Variants in CSMD1 observed in about 807,000 individuals in gnomAD.
The protein encoded by CSMD1 is CUB and Sushi multiple domains 1, also known as CUB and sushi domain-containing protein 1.
A neutral mutation model predicts 417.5 loss-of-function variants in CSMD1; 213 were observed. The ratio of observed to expected loss-of-function variants is 0.51; its 90% CI spans 0.46 to 0.57. CSMD1 has a LOEUF of 0.57. Among genes scored for constraint, CSMD1 ranks in the 20% least tolerant of loss-of-function variants. The pLI is 0.00. For synonymous variants in CSMD1, 2,862 were observed against 1,736.8 expected, an observed-to-expected ratio of 1.65 and a Z score of -16.11; for missense variants, 6,923 against 4,529.7, an observed-to-expected ratio of 1.53 and a Z score of -15.17.
intron 5 of CSMD1, among the ~76,000 whole-genome samples, chr8:3,865,691 C>A (rs1805044086): frequency 6.6e-6 from 1 of 152,130 alleles, no homozygotes; most frequent in African/African-American, 2.4e-5. Context: ...GTTCTAGGTT[C>A]CAACGGAGCA....
chr8:4,655,322 G>C (rs1804159092), intron 1 of CSMD1, among the ~76,000 whole-genome samples: 1 of 152,044 alleles, frequency 6.6e-6, no homozygotes, highest in Non-Finnish European at 1.5e-5. Flanking sequence ...GTTCCTCAAT[G>C]GCCACTGGTT....
intron 7 of CSMD1, among the ~76,000 whole-genome samples, chr8:3,638,356 G>C (rs1253436600): frequency 1.3e-5 from 2 of 151,992 alleles, no homozygotes; most frequent in Non-Finnish European, 2.9e-5. Flanking sequence ...GCTTCAGTGT[G>C]TCCCAAGAGG....
At chr8:3,324,562 GAC>G (rs1806393936) in intron 23 of CSMD1, among the ~76,000 whole-genome samples, 1 of 141,810 alleles carries the variant, frequency 7.1e-6, no homozygotes, top group Non-Finnish European at 1.5e-5. Context: ...TGTTAAAATA[GAC>G]ACACATCTAA....
intron 2 of CSMD1, among the ~76,000 whole-genome samples, chr8:4,463,566 C>T (rs149515941): frequency 1.5e-3 from 229 of 152,162 alleles, no homozygotes; most frequent in African/African-American, 5.2e-3. Context: ...AAATAGGATC[C>T]AGAAATACAG....
At chr8:3,273,876 C>A (rs933248025) in intron 26 of CSMD1, among the ~76,000 whole-genome samples, 6 of 152,114 alleles carry the variant, frequency 3.9e-5, no homozygotes, top group South Asian at 2.1e-4. Flanking sequence ...TTCAAAAAAC[C>A]AGCTCCTGGA....
intron 2 of CSMD1, among the ~76,000 whole-genome samples, chr8:4,580,918 G>A (rs1048737400): frequency 6.6e-6 from 1 of 152,172 alleles, no homozygotes; most frequent in Non-Finnish European, 1.5e-5. Context: ...ATCATCGGAA[G>A]TTCAATGCAC....
intron 5 of CSMD1, among the ~76,000 whole-genome samples, chr8:3,773,645 T>G (rs997009751): frequency 6.6e-6 from 1 of 152,164 alleles, no homozygotes; most frequent in African/African-American, 2.4e-5. Flanking sequence ...GGCAGTTTTA[T>G]TCAATTTTGG....
chr8:4,192,524 C>G (rs1037193246), intron 3 of CSMD1, among the ~76,000 whole-genome samples: 5 of 152,130 alleles, frequency 3.3e-5, no homozygotes, highest in South Asian at 4.1e-4. Flanking sequence ...TACCCCCTGA[C>G]CTTTCAGCAA....
Position 3,387,635 on chromosome 8 carries a change from T to A in CSMD1, c.2641A>T (p.Asn881Tyr). ...AAGTCTCCACCGTGGCGATGGCCGTTCACAGGGATGCCCGGGTCCAGGCAG... is the reference window on the plus strand; with the variant it reads ...AAGTCTCCACCGTGGCGATGGCCGTACACAGGGATGCCCGGGTCCAGGCAG... Reference protein sequence around the residue: ...DSCLDPGIPVNGHRHGGDFGI... With the variant: ...DSCLDPGIPVYGHRHGGDFGI... The change falls in exon 18 of 70, where the codon AAC becomes TAC. Residue 881 changes from asparagine to tyrosine, a missense_variant. Transcript: ENST00000635120. 1 of 1,601,308 alleles carries A rather than the reference T, an allele frequency of 6.2e-7. No individual in the cohort carries two copies. Among genetic ancestry groups the A allele is most frequent in the Non-Finnish European group, 8.5e-7 (1 of 1,173,800 alleles).
chr8:3,701,169 A>C (rs1800843932), intron 7 of CSMD1, among the ~76,000 whole-genome samples: 1 of 152,116 alleles, frequency 6.6e-6, no homozygotes, highest in South Asian at 2.1e-4. Context: ...GTGACTCCCA[A>C]GTAAGCCCGT....
At chr8:3,610,266 A>G (rs1801826451) in intron 8 of CSMD1, among the ~76,000 whole-genome samples, 1 of 152,182 alleles carries the variant, frequency 6.6e-6, no homozygotes, top group African/African-American at 2.4e-5. Context: ...TGGGCTGGGC[A>G]CGGTATCAGT....
intron 3 of CSMD1, among the ~76,000 whole-genome samples, chr8:4,033,203 G>A (rs915059319): frequency 1.3e-5 from 2 of 150,522 alleles, no homozygotes; most frequent in Non-Finnish European, 2.9e-5. Context: ...CACTTTGGGA[G>A]GCCGAGGCAG....
intron 1 of CSMD1, among the ~76,000 whole-genome samples, chr8:4,858,329 G>T (rs958802073): frequency 2.6e-5 from 4 of 151,694 alleles, no homozygotes; most frequent in African/African-American, 9.7e-5. Flanking sequence ...GCAAAAACTG[G>T]AAGCATTCCC....
intron 50 of CSMD1, among the ~76,000 whole-genome samples, chr8:3,041,378 C>T (rs1441209705): frequency 6.6e-6 from 1 of 152,112 alleles, no homozygotes; most frequent in Non-Finnish European, 1.5e-5. Context: ...TGATCCCAAA[C>T]ATAAAGAATC....
chr8:4,294,444 G>T (rs1029090213), intron 3 of CSMD1, among the ~76,000 whole-genome samples: 1 of 152,000 alleles, frequency 6.6e-6, no homozygotes, highest in Non-Finnish European at 1.5e-5. Flanking sequence ...AATTAACATC[G>T]CAGGCAATGA....
chr8:4,050,980 G>A (rs945983891), intron 3 of CSMD1, among the ~76,000 whole-genome samples: 4 of 152,068 alleles, frequency 2.6e-5, no homozygotes, highest in African/African-American at 7.2e-5. Flanking sequence ...GCAGATGGAG[G>A]AGGAGTGACA....
chr8:3,209,405 C>A (rs897784300), intron 30 of CSMD1, among the ~76,000 whole-genome samples: 2 of 152,098 alleles, frequency 1.3e-5, no homozygotes, highest in Admixed American at 1.3e-4. Flanking sequence ...CAAGTTCCAT[C>A]TCCCGGGTTC....
At chr8:2,973,370 A>C (rs1258715424) in intron 56 of CSMD1, 71 bp from the exon 57 acceptor site, 1 of 1,431,936 alleles carries the variant, frequency 7.0e-7, no homozygotes, top group Non-Finnish European at 9.5e-7. Context: ...TGTCACACTT[A>C]AAGATAATGA....
At chr8:3,711,927 T>G (rs140175946) in intron 6 of CSMD1, among the ~76,000 whole-genome samples, 159 of 152,264 alleles carry the variant, frequency 1.0e-3, no homozygotes, top group East Asian at 9.3e-3. Context: ...ACTCAGAATC[T>G]AAACAGAAAA....
Sources: gnomAD v4.1 joint callset for allele counts (sites outside exome capture counted in the v4.1 genomes callset) on GRCh38, gnomAD v4.1.1 for gene constraint, MANE v1.5 for transcripts, NCBI Gene and HGNC (gene_info 2026-07-23, HGNC 2026-07-21) for gene names.